NR1H4: variants seen among roughly 807,000 people sequenced by gnomAD.
The protein encoded by NR1H4 is nuclear receptor subfamily 1 group H member 4, also known as bile acid receptor.
In NR1H4, 23 loss-of-function variants were observed where a neutral mutation model predicts 58.5. The ratio of observed to expected loss-of-function variants is 0.39; its 90% CI spans 0.28 to 0.56. The LOEUF (loss-of-function observed/expected upper bound fraction) is 0.56, where lower values mean the gene tolerates loss of function less well. Ranked by LOEUF, NR1H4 falls within the 20% of genes least tolerant of loss-of-function variation. The pLI, the probability that NR1H4 is intolerant of heterozygous loss-of-function variation, is 0.58. For synonymous variants in NR1H4, 214 were observed against 198.0 expected (o/e 1.08, Z -0.68); for missense variants, 487 against 576.9 (o/e 0.84, Z 1.60).
chr12:100,483,554 C>T (rs373396256), intron 1 of NR1H4, among the ~76,000 whole-genome samples: 53 of 152,244 alleles, frequency 3.5e-4, no homozygotes, highest in African/African-American at 9.4e-4. Flanking sequence ...TCTGGATTTT[C>T]GGAAGTATCT....
intron 10 of NR1H4, among the ~76,000 whole-genome samples, 153 bp downstream of exon 10, chr12:100,562,151 T>G (rs1417633132): frequency 2.0e-5 from 3 of 152,218 alleles, no homozygotes; most frequent in Non-Finnish European, 4.4e-5. Flanking sequence ...TATTAACCTT[T>G]CAGTGCACTT....
Position 100,510,538 on chromosome 12 carries a change from A to G in NR1H4, c.80-240A>G, listed in dbSNP as rs917060762. 4.7e-5 allele frequency among the ~76,000 whole-genome samples: 7 copies of G among 150,184 alleles called. No homozygotes were observed. In the East Asian group the frequency reaches 1.4e-3, roughly 29 times the overall value. Reference sequence around the variant, plus strand: ...TTATTGGTTTTCAGGAGCTCTTTATACATTAATGAGATGAGTCTGTCCTCT... The same window carrying G: ...TTATTGGTTTTCAGGAGCTCTTTATGCATTAATGAGATGAGTCTGTCCTCT... On this transcript the variant is annotated intron_variant, in intron 3 of 10. Coordinates refer to ENST00000392986, the MANE Select transcript of NR1H4 (RefSeq NM_001206979.2).
At chr12:100,556,495 A>C (rs1955331846) in intron 9 of NR1H4, among the ~76,000 whole-genome samples, 1 of 151,826 alleles carries the variant, frequency 6.6e-6, no homozygotes, top group Non-Finnish European at 1.5e-5. Context: ...AAAACAAAAA[A>C]CAACTCTCTT....
At chr12:100,536,324 G>A (rs978202132) in intron 6 of NR1H4, among the ~76,000 whole-genome samples, 188 bp from the exon 7 acceptor site, 1 of 151,832 alleles carries the variant, frequency 6.6e-6, no homozygotes, top group East Asian at 1.9e-4. Flanking sequence ...TCAGTGAAAT[G>A]TGATATGGCC....
intron 3 of NR1H4, among the ~76,000 whole-genome samples, chr12:100,507,355 A>C (rs1383198647): frequency 6.6e-6 from 1 of 152,154 alleles, no homozygotes; most frequent in African/African-American, 2.4e-5. Context: ...TAATAATTCC[A>C]TATTTTTCTC....
rs117938277 is a variant in NR1H4 at position 100,523,071 on chromosome 12, A to G, written c.446-9387A>G. On this transcript the variant is annotated intron_variant, in intron 4 of 10. Coordinates refer to ENST00000392986, the MANE Select transcript of NR1H4 (RefSeq NM_001206979.2). The stretch of plus-strand genomic sequence containing the variant: ...CTTTTTTTCCTTTGGGTAGACACTC[A>G]CTAGTGGGATTGCTGGATCGAATGG... Among the ~76,000 whole-genome samples, 274 of 152,268 alleles carry G rather than the reference A, an allele frequency of 1.8e-3. 5 individuals are homozygous for G. The highest frequency in any genetic ancestry group is 0.015 in the East Asian group (80 of 5,180).
rs770757947 is a variant in NR1H4, at chr12:100,537,033, C to CA, written c.923dup (p.Leu309AlafsTer10). 4.4e-6 allele frequency: 7 copies of CA among 1,594,618 alleles called. No homozygotes were observed. The highest frequency in any genetic ancestry group is 1.1e-5 in the South Asian group (1 of 88,076). ...CATGTACAGGTTCTTGTAGAATTCA[C>CA]AAAAAAGCTACCAGGTATTTTTTAA... On this transcript the variant is annotated frameshift_variant, in exon 8 of 11. Coordinates refer to ENST00000392986, the MANE Select transcript of NR1H4 (RefSeq NM_001206979.2). LOFTEE classifies it high-confidence loss of function.
chr12:100,518,990 G>A (rs577337822), intron 4 of NR1H4, among the ~76,000 whole-genome samples: 42 of 151,976 alleles, frequency 2.8e-4, no homozygotes, highest in African/African-American at 1.0e-3. Context: ...GTTTCACCAT[G>A]TTGGCTAGGG....
chr12:100,477,676 T>C (rs1399052510), intron 1 of NR1H4, among the ~76,000 whole-genome samples: 1 of 152,218 alleles, frequency 6.6e-6, no homozygotes, highest in Non-Finnish European at 1.5e-5. Context: ...TGCTCTGGGC[T>C]GTGACTGTTC....
In NR1H4 at chr12:100,564,377, T is replaced by C. The variant is rs1430459481; in HGVS notation, c.*888T>C. The C allele has an allele frequency of 6.6e-6, 1 of 152,198 alleles. No homozygotes were observed. Among genetic ancestry groups the C allele is most frequent in the Non-Finnish European group, 1.5e-5 (1 of 68,032 alleles). 9.4% of individuals were successfully genotyped at this position (152,198 alleles called of 1,614,324 possible). On this transcript the variant is annotated 3_prime_UTR_variant, in exon 11 of 11. Coordinates refer to ENST00000392986, the MANE Select transcript of NR1H4 (RefSeq NM_001206979.2). ...CACTGTTGCATTCTTCTCCCTATTA[T>C]CCTTTGGTGAATACAATAAAACACC...
chr12:100,506,170 T>C (rs1953961016), intron 3 of NR1H4, among the ~76,000 whole-genome samples: 1 of 152,194 alleles, frequency 6.6e-6, no homozygotes, highest in African/African-American at 2.4e-5. Context: ...TTAACTATGA[T>C]TAAAATCAGG....
chr12:100,518,756 G>T (rs147596693), intron 4 of NR1H4, among the ~76,000 whole-genome samples: 26 of 150,766 alleles, frequency 1.7e-4, no homozygotes, highest in African/African-American at 6.3e-4. Context: ...TGGGCTGGCT[G>T]CAGTTTGCTG....
intron 9 of NR1H4, among the ~76,000 whole-genome samples, chr12:100,548,524 T>G (rs1955132808): frequency 6.6e-6 from 1 of 152,146 alleles, no homozygotes; most frequent in African/African-American, 2.4e-5. Context: ...CTCATTAGCC[T>G]CCCTCCTCTC....
intron 3 of NR1H4, among the ~76,000 whole-genome samples, chr12:100,510,206 A>G (rs1954071586): frequency 6.6e-6 from 1 of 152,194 alleles, no homozygotes; most frequent in Non-Finnish European, 1.5e-5. Flanking sequence ...AGGTTCAAGC[A>G]TATTTCTAAA....
At chr12:100,476,760 G>A (rs1953279702) in intron 1 of NR1H4, among the ~76,000 whole-genome samples, 1 of 152,176 alleles carries the variant, frequency 6.6e-6, no homozygotes, top group Non-Finnish European at 1.5e-5. Flanking sequence ...AGTGATGAGT[G>A]CCTGTGATCC....
Position 100,563,527 on chromosome 12 carries a change from T to G in NR1H4, c.*38T>G. ...GGGAGGGGTCTAGCTCCTTTTTCTC[T>G]CTCATATTAATCTGATGTATAACTT... On this transcript the variant is annotated 3_prime_UTR_variant, in exon 11 of 11. Coordinates refer to ENST00000392986, the MANE Select transcript of NR1H4 (RefSeq NM_001206979.2). The G allele has an allele frequency of 1.4e-6, 2 of 1,463,890 alleles. No homozygotes were observed. The highest frequency in any genetic ancestry group is 2.8e-5 in the African/African-American group (2 of 72,088). 90.7% of individuals were successfully genotyped at this position (1,463,890 alleles called of 1,614,324 possible).
intron 9 of NR1H4, among the ~76,000 whole-genome samples, chr12:100,560,634 C>T (rs1412114947): frequency 6.6e-6 from 1 of 152,192 alleles, no homozygotes; most frequent in Non-Finnish European, 1.5e-5. Context: ...AGAGCTGTAA[C>T]ACCGCGAGGG....
At chr12:100,545,184 G>A (rs1955031924) in intron 9 of NR1H4, among the ~76,000 whole-genome samples, 1 of 152,114 alleles carries the variant, frequency 6.6e-6, no homozygotes. Context: ...AGCCAAGTCA[G>A]ATGCTGCCAT....
chr12:100,558,868 G>A (rs913470372), intron 9 of NR1H4, among the ~76,000 whole-genome samples: 1 of 152,170 alleles, frequency 6.6e-6, no homozygotes, highest in African/African-American at 2.4e-5. Context: ...TGCCAGCTTT[G>A]GTTTGAAACC....
Sources: gnomAD v4.1 joint callset for allele counts (sites outside exome capture counted in the v4.1 genomes callset) on GRCh38, gnomAD v4.1.1 for gene constraint, MANE v1.5 for transcripts, NCBI Gene and HGNC (gene_info 2026-07-23, HGNC 2026-07-21) for gene names.